DFFB: variants seen among roughly 807,000 people sequenced by gnomAD.
The protein encoded by DFFB is DNA fragmentation factor subunit beta.
Under a neutral mutation model 32.7 loss-of-function variants are expected in DFFB, and 29 were observed. That is an observed-to-expected ratio of 0.89 (90% CI 0.66 to 1.21). The LOEUF (loss-of-function observed/expected upper bound fraction) is 1.21, where lower values mean the gene tolerates loss of function less well. Ranked by LOEUF, DFFB falls within the 50% of genes most tolerant of loss-of-function variation. The pLI is 0.00. For synonymous variants in DFFB, 170 were observed against 177.1 expected, an observed-to-expected ratio of 0.96 and a Z score of 0.32; for missense variants, 398 against 440.6, an observed-to-expected ratio of 0.90 and a Z score of 0.87.
chr1:3,858,715 C>T lies in DFFB; in HGVS notation c.115-3C>T, dbSNP rs983682958. On this transcript the variant is annotated splice_region_variant and splice_polypyrimidine_tract_variant and intron_variant, in intron 1 of 6. Transcript: ENST00000378209. ...CCTCCTGTTGCTTCTCCCGTCCCTGCAGCTCCCTGAGCGCGGTTCCCGGCT... is the reference window on the plus strand; with the variant it reads ...CCTCCTGTTGCTTCTCCCGTCCCTGTAGCTCCCTGAGCGCGGTTCCCGGCT... The T allele has an allele frequency of 1.2e-6, 2 of 1,613,590 alleles. No homozygotes were observed. The highest frequency in any genetic ancestry group is 3.3e-5 in the Admixed American group (2 of 59,980).
rs151328209 is a variant in DFFB at position 3,866,195 on chromosome 1, G to A, written c.430+195G>A. ...GGAAAGGTACCCAGCAAGGACTCAG[G>A]TGGGGCCAGAGTCCAGGGCAGCCCT... On this transcript the variant is annotated intron_variant, in intron 3 of 6. Transcript: ENST00000378209. 6.4e-3 allele frequency: 4,425 copies of A among 691,590 alleles called. 19 individuals are homozygous for A. The highest frequency in any genetic ancestry group is 0.016 in the Middle Eastern group (67 of 4,238). 42.8% of individuals were successfully genotyped at this position (691,590 alleles called of 1,614,324 possible). A position where few individuals can be genotyped will look rare whatever the true frequency, so the allele number is the denominator to read the frequency against.
chr1:3,872,424 A>G lies in DFFB; in HGVS notation c.682-48A>G, dbSNP rs1205744456. 3.4e-6 allele frequency: 5 copies of G among 1,460,566 alleles called. No individual in the cohort carries two copies. In the African/African-American group the frequency reaches 4.3e-5, roughly 12 times the overall value. 90.5% of individuals were successfully genotyped at this position (1,460,566 alleles called of 1,614,324 possible). A position where few individuals can be genotyped will look rare whatever the true frequency, so the allele number is the denominator to read the frequency against. On this transcript the variant is annotated intron_variant, in intron 5 of 6. Coordinates refer to ENST00000378209, the MANE Select transcript of DFFB (RefSeq NM_004402.4). Reference sequence around the variant, plus strand: ...GAGGCGCTGTCTCAAGAAAAAAAAAAAAAGAGACTCACTTTCTGGCCTTCC... The same window carrying G: ...GAGGCGCTGTCTCAAGAAAAAAAAAGAAAGAGACTCACTTTCTGGCCTTCC...
chr1:3,869,065 C>T (rs1470470402), intron 4 of DFFB, among the ~76,000 whole-genome samples: 6 of 152,140 alleles, frequency 3.9e-5, no homozygotes, highest in Admixed American at 6.5e-5. Flanking sequence ...TTTATTAGCT[C>T]ATCTTCTTTT....
rs1202668065 is a variant in DFFB, at chr1:3,865,021, A to G, written c.242-791A>G. On this transcript the variant is annotated intron_variant, in intron 2 of 6. Transcript: ENST00000378209. The surrounding 1 kb of genome is among the most constrained non-coding windows in gnomAD (Gnocchi z 4.7). ...AATACCTGGACATGAGTTCTTTGTC[A>G]GACATGTGGTTTGCAAATATTTACC... Among the ~76,000 whole-genome samples the G allele has an allele frequency of 1.3e-5, 2 of 152,112 alleles. No individual in the cohort carries two copies. The highest frequency in any genetic ancestry group is 2.9e-5 in the Non-Finnish European group (2 of 68,036).
chr1:3,870,266 G>A (rs1645085253), intron 5 of DFFB, among the ~76,000 whole-genome samples: 1 of 152,194 alleles, frequency 6.6e-6, no homozygotes, highest in Non-Finnish European at 1.5e-5. Context: ...CCCATGGTGT[G>A]GGGAGCAACT....
intron 6 of DFFB, among the ~76,000 whole-genome samples, chr1:3,877,783 C>T (rs1645254238): frequency 6.6e-6 from 1 of 152,168 alleles, no homozygotes; most frequent in African/African-American, 2.4e-5. Context: ...TTCCTTGTAA[C>T]TGGTCAGCGT....
At chr1:3,878,953 G>A (rs996746757) in intron 6 of DFFB, among the ~76,000 whole-genome samples, 1 of 152,142 alleles carries the variant, frequency 6.6e-6, no homozygotes, top group African/African-American at 2.4e-5. Flanking sequence ...ATTTGAAAAG[G>A]TCCGTTCAAC....
At position 3,872,586 on chromosome 1, in the gene DFFB, G is replaced by T; in HGVS notation, c.782+14G>T. 6.2e-7 allele frequency: 1 copy of T among 1,608,830 alleles called. No homozygotes were observed. The highest frequency in any genetic ancestry group is 8.5e-7 in the Non-Finnish European group (1 of 1,177,624). On this transcript the variant is annotated intron_variant, in intron 6 of 6. Transcript: ENST00000378209. ...CCTGGATCACATGTAAGCTCACAGA[G>T]CGAGGTTCAGACCCACGAGTGCCTG...
chr1:3,862,754 C>T (rs1413275213), intron 2 of DFFB, among the ~76,000 whole-genome samples: 1 of 152,120 alleles, frequency 6.6e-6, no homozygotes, highest in African/African-American at 2.4e-5. Flanking sequence ...GAAAACATAG[C>T]GATAAGTCCT....
chr1:3,883,358 C>A, intron 6 of DFFB, 149 bp from the exon 7 acceptor site: 2 of 724,290 alleles, frequency 2.8e-6, no homozygotes, highest in Non-Finnish European at 4.5e-6. Context: ...TCAGGCTCTG[C>A]TCAACAAACC....
intron 3 of DFFB, chr1:3,867,735 C>CA: frequency 2.0e-6 from 1 of 505,590 alleles, no homozygotes; most frequent in Admixed American, 3.3e-5. Context: ...TCCCTGTAGT[C>CA]TTAGCCACTT....
chr1:3,878,237 C>T (rs574109059), intron 6 of DFFB, among the ~76,000 whole-genome samples: 15 of 152,092 alleles, frequency 9.9e-5, no homozygotes, highest in African/African-American at 2.9e-4. Context: ...CTGCAACCTC[C>T]GCCTCCTGGG....
intron 6 of DFFB, among the ~76,000 whole-genome samples, chr1:3,883,242 T>A (rs1446224804): frequency 6.6e-6 from 1 of 152,268 alleles, no homozygotes; most frequent in Admixed American, 6.5e-5. Context: ...CAACCTCAAG[T>A]GATCCACCCG....
rs966030273 is a variant in DFFB, at chr1:3,885,074, A to G, written c.*1333A>G. ...TATGAGGAAAGCGTTTCTGTGTAGAAACTGGAAGCTGTTCAGGGCATCGGC... is the reference window on the plus strand; with the variant it reads ...TATGAGGAAAGCGTTTCTGTGTAGAGACTGGAAGCTGTTCAGGGCATCGGC... On this transcript the variant is annotated 3_prime_UTR_variant, in exon 7 of 7. Transcript: ENST00000378209. The G allele has an allele frequency of 6.6e-6, 1 of 152,166 alleles. No homozygotes were observed. The highest frequency in any genetic ancestry group is 2.4e-5 in the African/African-American group (1 of 41,420). 9.4% of individuals were successfully genotyped at this position (152,166 alleles called of 1,614,324 possible). A position where few individuals can be genotyped will look rare whatever the true frequency, so the allele number is the denominator to read the frequency against.
chr1:3,870,292 C>T (rs555301908), intron 5 of DFFB, among the ~76,000 whole-genome samples: 20 of 152,302 alleles, frequency 1.3e-4, no homozygotes, highest in Admixed American at 3.3e-4. Context: ...CGCCTCTTGG[C>T]GTTTGCACAC....
chr1:3,873,426 G>T (rs963727059), intron 6 of DFFB, among the ~76,000 whole-genome samples: 4 of 151,646 alleles, frequency 2.6e-5, no homozygotes, highest in African/African-American at 9.7e-5. Flanking sequence ...AACGTTTTGC[G>T]ACCAACATGA....
chr1:3,862,955 C>A (rs1017741452), intron 2 of DFFB, among the ~76,000 whole-genome samples: 27 of 152,232 alleles, frequency 1.8e-4, no homozygotes, highest in Non-Finnish European at 3.2e-4. Flanking sequence ...TTGAGACAAG[C>A]CTGGCCAACA....
At chr1:3,870,187 AGGCGTGGTCT>A (rs1199767742) in intron 5 of DFFB, among the ~76,000 whole-genome samples, 11 of 152,214 alleles carry the variant, frequency 7.2e-5, no homozygotes, top group African/African-American at 2.7e-4. Flanking sequence ...GCACCGTGCT[AGGCGTGGTCT>A]GGCCTTTAGT....
chr1:3,871,881 G>T (rs930031587), intron 5 of DFFB, among the ~76,000 whole-genome samples: 5 of 152,178 alleles, frequency 3.3e-5, no homozygotes, highest in African/African-American at 1.2e-4. Context: ...CACGTGCGGG[G>T]AGCAGGAACG....
Sources: allele counts gnomAD v4.1 joint callset (sites outside exome capture counted in the v4.1 genomes callset), GRCh38; gene constraint gnomAD v4.1.1; non-coding constraint Gnocchi (gnomAD v3.1); transcripts MANE v1.5; gene names NCBI Gene and HGNC (gene_info 2026-07-23, HGNC 2026-07-21).